The following MYLK variants were observed in gnomAD, a reference collection of about 807,000 sequenced individuals.
MYLK encodes myosin light chain kinase, smooth muscle.
In MYLK, 106 loss-of-function variants were observed where a neutral mutation model predicts 203.4. The ratio of observed to expected loss-of-function variants is 0.52; its 90% confidence interval spans 0.45 to 0.61. The LOEUF is 0.61. Ranked by LOEUF, MYLK falls within the 20% of genes least tolerant of loss-of-function variation. The pLI is 0.00. For missense variants in MYLK, 2,072 were observed against 2,442.3 expected (o/e 0.85, Z 3.20); for synonymous variants, 867 against 959.5 (o/e 0.90, Z 1.78).
At chr3:123,792,753 T>G (rs999510904) in intron 4 of MYLK, among the ~76,000 whole-genome samples, 1 of 152,186 alleles carries the variant, frequency 6.6e-6, no homozygotes, top group African/African-American at 2.4e-5. Context: ...GCCCTCATCC[T>G]GGTAGTGCCC....
rs536614981 is a variant in MYLK at position 123,620,396 on chromosome 3, C to T, written c.5239-60G>A. 689 of 1,611,378 alleles carry T rather than the reference C, an allele frequency of 4.3e-4. 8 individuals carry two copies. In the South Asian group the frequency reaches 6.7e-3, roughly 16 times the overall value. On this transcript the variant is annotated intron_variant, in intron 31 of 33. Coordinates refer to ENST00000360304, the MANE Select transcript of MYLK (RefSeq NM_053025.4). ...TGTCCCTGGTTCCAGCTGGGTAGTG[C>T]GAGGGGCTGCAGGGAGTAGAGCCCA...
chr3:123,800,138 G>GCTCT (rs2065145448), intron 3 of MYLK: 2 of 152,180 alleles, frequency 1.3e-5, no homozygotes, highest in African/African-American at 4.8e-5. Flanking sequence ...CACTGCAGAG[G>GCTCT]CTCTCAATGG....
At chr3:123,792,493 T>C (rs2064817232) in intron 4 of MYLK, among the ~76,000 whole-genome samples, 1 of 152,214 alleles carries the variant, frequency 6.6e-6, no homozygotes, top group African/African-American at 2.4e-5. Flanking sequence ...TTTCTGTCTC[T>C]ATAGATATTC....
chr3:123,641,134 C>G (rs893465447), intron 27 of MYLK, among the ~76,000 whole-genome samples: 2 of 152,222 alleles, frequency 1.3e-5, no homozygotes, highest in African/African-American at 4.8e-5. Context: ...TTCCTTACCC[C>G]AGCTGTGTAA....
intron 1 of MYLK, among the ~76,000 whole-genome samples, chr3:123,882,341 T>C (rs535602542): frequency 3.5e-4 from 54 of 152,220 alleles, no homozygotes; most frequent in African/African-American, 1.2e-3. Context: ...TTGAGCCTGG[T>C]AGGTCAAGGT....
chr3:123,621,832 G>T, intron 31 of MYLK: 1 of 152,586 alleles, frequency 6.6e-6, no homozygotes, highest in Non-Finnish European at 1.5e-5. Context: ...AGGCTGGGTC[G>T]CTGAACAGAA....
Position 123,708,715 on chromosome 3 carries a change from G to A in MYLK, c.2123C>T (p.Ala708Val). 2 of 1,614,104 alleles carry A rather than the reference G, an allele frequency of 1.2e-6. No homozygotes were observed. Among genetic ancestry groups the A allele is most frequent in the Admixed American group, 1.7e-5 (1 of 60,028 alleles). ...WNSAGEVRTQAVLTVQEPHDG... is the reference protein window; with the variant it reads ...WNSAGEVRTQVVLTVQEPHDG... ...AGCCTCACCTTGTACCGTGAGCACG[G>A]CCTGGGTGCGGACCTCTCCAGCGCT... Residue 708 changes from alanine to valine, a missense_variant, in exon 15 of 34, where the codon GCC (alanine) becomes GTC (valine). Physicochemically the swap from Ala to Val is moderately conservative, Grantham distance 64. Coordinates refer to ENST00000360304, the MANE Select transcript of MYLK (RefSeq NM_053025.4).
chr3:123,781,628 A>C (rs1560209093), intron 4 of MYLK, among the ~76,000 whole-genome samples: 1 of 152,220 alleles, frequency 6.6e-6, no homozygotes. Flanking sequence ...GAAAACTCCA[A>C]CACCAACTCC....
At chr3:123,663,581 G>A (rs574805552) in intron 23 of MYLK, among the ~76,000 whole-genome samples, 1 of 152,172 alleles carries the variant, frequency 6.6e-6, no homozygotes, top group South Asian at 2.1e-4. Context: ...GCTGGGAGGA[G>A]CCAGGAGAGA....
At chr3:123,831,500 G>T in intron 3 of MYLK, 48 bp downstream of exon 3, 1 of 1,114,692 alleles carries the variant, frequency 9.0e-7, no homozygotes, top group Non-Finnish European at 1.2e-6. Context: ...CCCCAGGGTG[G>T]ACTGAGGAGG....
In MYLK at chr3:123,737,432, G is replaced by C; in HGVS notation, c.700C>G (p.Leu234Val). ...NQDDVGVYTC[L>V]VVNGSGKASM... Reference sequence around the variant, plus strand: ...GCCTTCCCCGACCCGTTCACCACCAGGCACGTGTACACTCCCACGTCATCT... The same window carrying C: ...GCCTTCCCCGACCCGTTCACCACCACGCACGTGTACACTCCCACGTCATCT... The change falls in exon 8 of 34, where the codon CTG becomes GTG. Residue 234 changes from leucine to valine, a missense_variant. Physicochemically the swap from Leu to Val is conservative, Grantham distance 32. Around this residue, in one of 3 missense-constraint regions of MYLK, gnomAD observed 683 missense variants for 643.8 expected, o/e 1.06. Coordinates refer to ENST00000360304, the MANE Select transcript of MYLK (RefSeq NM_053025.4). The C allele has an allele frequency of 1.2e-6, 2 of 1,614,174 alleles. No individual in the cohort carries two copies. The highest frequency in any genetic ancestry group is 4.5e-5 in the East Asian group (2 of 44,884).
chr3:123,809,459 G>C (rs1187678598), intron 3 of MYLK, among the ~76,000 whole-genome samples: 1 of 152,206 alleles, frequency 6.6e-6, no homozygotes, highest in African/African-American at 2.4e-5. Flanking sequence ...CCAGGAGGCG[G>C]AAGTTGTGGT....
rs1399577495 is a variant in MYLK at position 123,708,077 on chromosome 3, G to A, written c.2141-74C>T. On this transcript the variant is annotated intron_variant, in intron 15 of 33. Transcript: ENST00000360304. ...CAGTGTCCACTCAATTCTCCATGGA[G>A]GTGAAGGATGGGAAGATAGCATGTC... 17 of 1,590,978 alleles carry A rather than the reference G, an allele frequency of 1.1e-5. No individual in the cohort carries two copies. In the East Asian group the frequency reaches 3.6e-4, roughly 34 times the overall value.
Position 123,752,360 on chromosome 3 carries a change from C to T in MYLK, c.344G>A (p.Arg115His), listed in dbSNP as rs141131535. 224 of 1,614,126 alleles carry T rather than the reference C, an allele frequency of 1.4e-4. No individual in the cohort carries two copies. The highest frequency in any genetic ancestry group is 1.8e-4 in the Non-Finnish European group (210 of 1,180,026). ...TCEATNGSGARQVTVELTVEG... is the reference protein window; with the variant it reads ...TCEATNGSGAHQVTVELTVEG... ...TACTGTCAACTCCACTGTCACCTGG[C>T]GAGCACCACTGCCATTGGTGGCTTC... Residue 115 changes from arginine (R) to histidine (H), a missense_variant, in exon 5 of 34, where the codon CGC becomes CAC. By Grantham distance (29) the Arg-to-His change is conservative. Coordinates refer to ENST00000360304, the MANE Select transcript of MYLK (RefSeq NM_053025.4).
intron 6 of MYLK, among the ~76,000 whole-genome samples, chr3:123,739,623 C>T (rs1322833354): frequency 6.6e-6 from 1 of 152,226 alleles, no homozygotes; most frequent in Admixed American, 6.5e-5. Context: ...TGATTTGAGG[C>T]TTGTCTGTTA....
intron 2 of MYLK, among the ~76,000 whole-genome samples, chr3:123,875,979 C>T (rs2033126279): frequency 6.6e-6 from 1 of 152,084 alleles, no homozygotes; most frequent in Admixed American, 6.5e-5. Flanking sequence ...AAAATTTAAT[C>T]TAAAGAATAC....
At chr3:123,732,696 A>G (rs1434278307) in intron 11 of MYLK, among the ~76,000 whole-genome samples, 200 bp downstream of exon 11, 2 of 152,158 alleles carry the variant, frequency 1.3e-5, no homozygotes, top group East Asian at 3.9e-4. Flanking sequence ...TTTTGAGGTG[A>G]TTCTGATGTG....
intron 4 of MYLK, among the ~76,000 whole-genome samples, chr3:123,761,854 C>T (rs762997604): frequency 1.3e-5 from 2 of 152,018 alleles, no homozygotes; most frequent in East Asian, 1.9e-4. Flanking sequence ...GGTGAAACCT[C>T]GTCTCTACTA....
chr3:123,705,967 C>T (rs936353799), intron 16 of MYLK, among the ~76,000 whole-genome samples: 1 of 152,114 alleles, frequency 6.6e-6, no homozygotes, highest in Non-Finnish European at 1.5e-5. Context: ...AGGGGGTAAG[C>T]GTGTACCTTC....
Sources: gnomAD v4.1 joint callset for allele counts (sites outside exome capture counted in the v4.1 genomes callset) on GRCh38, gnomAD v4.1.1 for gene constraint, gnomAD v4.1.1 regional missense constraint, MANE v1.5 for transcripts, NCBI Gene and HGNC (gene_info 2026-07-23, HGNC 2026-07-21) for gene names.